EDEM3: variants seen among roughly 807,000 people sequenced by gnomAD.
The protein encoded by EDEM3 is ER degradation-enhancing alpha-mannosidase-like protein 3.
A neutral mutation model predicts 110.2 loss-of-function variants in EDEM3; 60 were observed. The ratio of observed to expected loss-of-function variants is 0.54; its 90% CI spans 0.44 to 0.67. The LOEUF is 0.67. EDEM3 is among the 30% of genes least tolerant of loss of function. EDEM3 has a pLI of 0.00. For synonymous variants in EDEM3, 352 were observed against 382.9 expected, an observed-to-expected ratio of 0.92 and a Z score of 0.94; for missense variants, 996 against 1,121.0, an observed-to-expected ratio of 0.89 and a Z score of 1.59.
intron 14 of EDEM3, 34 bp downstream of exon 14, chr1:184,712,396 TAAA>T: frequency 6.5e-7 from 1 of 1,539,850 alleles, no homozygotes; most frequent in Non-Finnish European, 8.7e-7. Flanking sequence ...CATGTAGAAA[TAAA>T]AAAGAGAATA....
intron 2 of EDEM3, among the ~76,000 whole-genome samples, 162 bp downstream of exon 2, chr1:184,749,385 T>G (rs1021944624): frequency 1.3e-5 from 2 of 152,068 alleles, no homozygotes; most frequent in Non-Finnish European, 2.9e-5. Flanking sequence ...AATAAACTGG[T>G]TCCCTAAAAA....
chr1:184,750,393 A>G (rs1188686128), intron 1 of EDEM3, among the ~76,000 whole-genome samples: 1 of 152,242 alleles, frequency 6.6e-6, no homozygotes, highest in Non-Finnish European at 1.5e-5. Context: ...CAGCCTTTCA[A>G]TTAAGCACTC....
At chr1:184,701,938 T>A (rs1649649599) in intron 19 of EDEM3, among the ~76,000 whole-genome samples, 1 of 152,076 alleles carries the variant, frequency 6.6e-6, no homozygotes, top group Non-Finnish European at 1.5e-5. Flanking sequence ...TCACATTGAA[T>A]TGAATCAGTT....
chr1:184,706,522 G>T (rs1649935527), intron 18 of EDEM3, 121 bp downstream of exon 18: 1 of 807,872 alleles, frequency 1.2e-6, no homozygotes, highest in Non-Finnish European at 1.9e-6. Context: ...TATCCTTGTT[G>T]TCTAGGTGAG....
chr1:184,701,604 C>T, intron 19 of EDEM3: 1 of 1,146,458 alleles, frequency 8.7e-7, no homozygotes, highest in South Asian at 1.4e-5. Context: ...TAAAGAGTTA[C>T]AAGAAATAAT....
At chr1:184,722,782 T>G (rs1650974478) in intron 8 of EDEM3, among the ~76,000 whole-genome samples, 1 of 151,836 alleles carries the variant, frequency 6.6e-6, no homozygotes, top group South Asian at 2.1e-4. Flanking sequence ...AGATAAGCTT[T>G]TTAGAAATAG....
At chr1:184,732,370 G>T (rs902428531) in intron 6 of EDEM3, among the ~76,000 whole-genome samples, 4 of 152,102 alleles carry the variant, frequency 2.6e-5, no homozygotes, top group Non-Finnish European at 5.9e-5. Flanking sequence ...ATAGAAACAG[G>T]TTAGACAGAA....
chr1:184,723,876 A>AT lies in EDEM3; in HGVS notation c.748-21_748-20insA. ...ATATTCCTGTAATTTAAAAAAAAAAAAAAAAAAAAGAAGTGCATATTTGAA... is the reference window on the plus strand; with the variant it reads ...ATATTCCTGTAATTTAAAAAAAAAAATAAAAAAAAAGAAGTGCATATTTGAA... On this transcript the variant is annotated intron_variant, in intron 7 of 19. Coordinates refer to ENST00000318130, the MANE Select transcript of EDEM3 (RefSeq NM_025191.4). 1 of 1,523,492 alleles carries AT rather than the reference A, an allele frequency of 6.6e-7. No individual in the cohort carries two copies. Among genetic ancestry groups the AT allele is most frequent in the Non-Finnish European group, 8.7e-7 (1 of 1,144,118 alleles). 94.4% of individuals were successfully genotyped at this position (1,523,492 alleles called of 1,614,324 possible).
chr1:184,733,067 T>C lies in EDEM3; in HGVS notation c.459-77A>G, dbSNP rs77638331. ...TACCATCTAAAAAGGTGTGGGTACTTTGTTATACAATTTAACATATTTAAG... is the reference window on the plus strand; with the variant it reads ...TACCATCTAAAAAGGTGTGGGTACTCTGTTATACAATTTAACATATTTAAG... On this transcript the variant is annotated intron_variant, in intron 5 of 19. Transcript: ENST00000318130. The C allele has an allele frequency of 2.8e-3, 4,007 of 1,440,768 alleles. 37 individuals are homozygous for C. The highest frequency in any genetic ancestry group is 0.026 in the East Asian group (1,107 of 42,612). 89.2% of individuals were successfully genotyped at this position (1,440,768 alleles called of 1,614,324 possible). A position where few individuals can be genotyped will look rare whatever the true frequency, so the allele number is the denominator to read the frequency against.
chr1:184,700,304 A>C (rs754303701), intron 19 of EDEM3, among the ~76,000 whole-genome samples: 1 of 151,978 alleles, frequency 6.6e-6, no homozygotes, highest in Non-Finnish European at 1.5e-5. Flanking sequence ...AGGACTTCTT[A>C]ATCAGCATTG....
intron 4 of EDEM3, among the ~76,000 whole-genome samples, chr1:184,736,729 A>G (rs950074059): frequency 2.0e-5 from 3 of 152,184 alleles, no homozygotes; most frequent in African/African-American, 7.2e-5. Context: ...TTCTAAAGTT[A>G]CTTTTTTCCA....
intron 1 of EDEM3, among the ~76,000 whole-genome samples, chr1:184,750,190 TA>T (rs560686120): frequency 1.8e-4 from 28 of 152,288 alleles, no homozygotes; most frequent in South Asian, 1.2e-3. Flanking sequence ...TGCTCTACTC[TA>T]AAAAAACTGT....
At chr1:184,719,120 G>T in intron 11 of EDEM3, 42 bp downstream of exon 11, 1 of 1,166,882 alleles carries the variant, frequency 8.6e-7, no homozygotes, top group Non-Finnish European at 1.2e-6. Flanking sequence ...GTGTGTGTGT[G>T]TTTGTGTGTG....
rs1166557608 is a variant in EDEM3 at position 184,737,663 on chromosome 1, G to A, written c.253C>T (p.Arg85Ter). ...DELMPLTCRG[R>*]VRGQEPSRGD... Reference sequence around the variant, plus strand: ...CGACTTGGCTCTTGGCCTCTAACTCGACCTCTACAGGTTAAAGGCATGAGT... The same window carrying A: ...CGACTTGGCTCTTGGCCTCTAACTCAACCTCTACAGGTTAAAGGCATGAGT... Residue 85 changes from arginine to a stop codon, truncating the protein, a stop_gained, in exon 3 of 20, where the codon CGA (arginine) becomes TGA (stop). Transcript: ENST00000318130. LOFTEE classifies it high-confidence loss of function. 6 of 1,613,818 alleles carry A rather than the reference G, an allele frequency of 3.7e-6. No homozygotes were observed. Among genetic ancestry groups the A allele is most frequent in the African/African-American group, 1.3e-5 (1 of 74,874 alleles).
chr1:184,699,528 T>C (rs922560164), intron 19 of EDEM3, among the ~76,000 whole-genome samples: 9 of 151,880 alleles, frequency 5.9e-5, no homozygotes, highest in African/African-American at 2.2e-4. Flanking sequence ...TCTCTCCAGG[T>C]AGAGTTCATC....
At chr1:184,708,998 A>C (rs1171329893) in intron 16 of EDEM3, among the ~76,000 whole-genome samples, 3 of 152,206 alleles carry the variant, frequency 2.0e-5, no homozygotes, top group Non-Finnish European at 2.9e-5. Flanking sequence ...GAAAAAAATA[A>C]GATGATTCCT....
chr1:184,734,649 A>C lies in EDEM3; in HGVS notation c.346-6T>G. ...TCTTTAGTTTTATTTAAAACCTGGG[A>C]GAAGAAAATTATGAAATAAAGTTCT... On this transcript the variant is annotated splice_region_variant and splice_polypyrimidine_tract_variant and intron_variant, in intron 4 of 19. Coordinates refer to ENST00000318130, the MANE Select transcript of EDEM3 (RefSeq NM_025191.4). 1 of 1,221,410 alleles carries C rather than the reference A, an allele frequency of 8.2e-7. No homozygotes were observed. The highest frequency in any genetic ancestry group is 1.2e-6 in the Non-Finnish European group (1 of 867,776). The allele number at this position is 1,221,410 out of a possible 1,614,324, so 75.7% of individuals were successfully genotyped here. A position where few individuals can be genotyped will look rare whatever the true frequency, so the allele number is the denominator to read the frequency against.
chr1:184,712,493 T>C lies in EDEM3; in HGVS notation c.1476A>G (p.Glu492=). Residue 492 remains glutamate (E), a synonymous_variant, in exon 14 of 20, where the codon GAA becomes GAG. Transcript: ENST00000318130. ...FDIEDYIFTT[E]AHLLPLWLST... ...AGAGCCAAAGAGGTAACAGATGAGCTTCTGTTGTAAAGATGTAATCTTCTA... is the reference window on the plus strand; with the variant it reads ...AGAGCCAAAGAGGTAACAGATGAGCCTCTGTTGTAAAGATGTAATCTTCTA... 5 of 1,606,792 alleles carry C rather than the reference T, an allele frequency of 3.1e-6. No individual in the cohort carries two copies. The highest frequency in any genetic ancestry group is 4.2e-6 in the Non-Finnish European group (5 of 1,177,154).
At chr1:184,711,548 A>G (rs1232709523) in intron 15 of EDEM3, among the ~76,000 whole-genome samples, 175 bp downstream of exon 15, 1 of 152,206 alleles carries the variant, frequency 6.6e-6, no homozygotes, top group Non-Finnish European at 1.5e-5. Flanking sequence ...CTGCAAAATA[A>G]GCTTTACTAT....
Sources: allele counts gnomAD v4.1 joint callset (sites outside exome capture counted in the v4.1 genomes callset), GRCh38; gene constraint gnomAD v4.1.1; transcripts MANE v1.5; gene names NCBI Gene and HGNC (gene_info 2026-07-23, HGNC 2026-07-21).